Variants in TFCP2L1 observed in about 807,000 individuals in gnomAD.
TFCP2L1 encodes transcription factor CP2-like protein 1.
In TFCP2L1, 12 loss-of-function variants were observed where a neutral mutation model predicts 72.2. That is an observed-to-expected ratio of 0.17 (90% CI 0.11 to 0.27). The LOEUF (loss-of-function observed/expected upper bound fraction) is 0.27, where lower values mean the gene tolerates loss of function less well. Ranked by LOEUF, TFCP2L1 falls within the 10% of genes least tolerant of loss-of-function variation. The pLI is 1.00. For missense variants in TFCP2L1, 488 were observed against 624.6 expected, an observed-to-expected ratio of 0.78 and a Z score of 2.33; for synonymous variants, 260 against 251.0, an observed-to-expected ratio of 1.04 and a Z score of -0.34.
intron 1 of TFCP2L1, among the ~76,000 whole-genome samples, chr2:121,284,768 G>C (rs948285612): frequency 6.6e-6 from 1 of 152,136 alleles, no homozygotes; most frequent in African/African-American, 2.4e-5. Context: ...CGGCAGGTGC[G>C]CGCCCTGCAC....
intron 13 of TFCP2L1, among the ~76,000 whole-genome samples, chr2:121,228,649 C>T (rs1430355302): frequency 6.6e-6 from 1 of 151,090 alleles, no homozygotes; most frequent in Non-Finnish European, 1.5e-5. Context: ...GCCTGTGGTC[C>T]CAGCTACTCA....
chr2:121,237,425 A>G (rs926277930), intron 10 of TFCP2L1, among the ~76,000 whole-genome samples, 198 bp downstream of exon 10: 5 of 152,070 alleles, frequency 3.3e-5, no homozygotes, highest in African/African-American at 1.2e-4. Flanking sequence ...CTCACTTGGG[A>G]CCTTCTGGGG....
intron 12 of TFCP2L1, 130 bp from the exon 13 acceptor site, chr2:121,232,098 C>T (rs891461654): frequency 1.4e-5 from 13 of 916,594 alleles, no homozygotes; most frequent in South Asian, 7.3e-5. Context: ...CAGGACCACA[C>T]TGCCACTCTT....
chr2:121,263,770 T>C (rs1686876274), intron 2 of TFCP2L1, among the ~76,000 whole-genome samples: 1 of 152,186 alleles, frequency 6.6e-6, no homozygotes, highest in African/African-American at 2.4e-5. Context: ...CAAGGCCAGA[T>C]AAGCATCTTT....
At position 121,231,828 on chromosome 2, in the gene TFCP2L1, C is replaced by T; in HGVS notation, c.1339G>A (p.Glu447Lys). ...GCAGGCCAGGCAGCAGCCCTCACCT[C>T]GTTGCTCACCACCACATGGATGCCC... ...PTGIHVVVSNEMVQNFQDESC... is the reference protein window; with the variant it reads ...PTGIHVVVSNKMVQNFQDESC... The change falls in exon 13 of 15, where the codon GAG becomes AAG. Residue 447 changes from glutamate (E) to lysine (K), a missense_variant and splice_region_variant. By Grantham distance (56) the Glu-to-Lys change is moderately conservative. Transcript: ENST00000263707. 1.2e-6 allele frequency: 2 copies of T among 1,612,800 alleles called. No homozygotes were observed. The highest frequency in any genetic ancestry group is 1.1e-5 in the South Asian group (1 of 90,954).
rs1362226050 is a variant in TFCP2L1, at chr2:121,218,983, G to C, written c.*5358C>G. The C allele has an allele frequency of 6.6e-6, 1 of 152,374 alleles. No homozygotes were observed. The highest frequency in any genetic ancestry group is 1.5e-5 in the Non-Finnish European group (1 of 68,146). The allele number at this position is 152,374 out of a possible 1,614,324, so 9.4% of individuals were successfully genotyped here. A position where few individuals can be genotyped will look rare whatever the true frequency, so the allele number is the denominator to read the frequency against. On this transcript the variant is annotated 3_prime_UTR_variant, in exon 15 of 15. Transcript: ENST00000263707. ...AAGCCCTGTCCCTAAGGGGCGATGGGAAGGAGGTGGCAATCAGAAGAGGGT... is the reference window on the plus strand; with the variant it reads ...AAGCCCTGTCCCTAAGGGGCGATGGCAAGGAGGTGGCAATCAGAAGAGGGT...
At chr2:121,271,417 A>G (rs542420697) in intron 2 of TFCP2L1, among the ~76,000 whole-genome samples, 2 of 152,290 alleles carry the variant, frequency 1.3e-5, no homozygotes, top group African/African-American at 4.8e-5. Flanking sequence ...TGGCTGTTCT[A>G]TTTTATAAAA....
chr2:121,282,133 A>C (rs1207942211), intron 1 of TFCP2L1, among the ~76,000 whole-genome samples: 1 of 151,848 alleles, frequency 6.6e-6, no homozygotes, highest in African/African-American at 2.4e-5. Flanking sequence ...GGGTTCCACC[A>C]TGTTGGTCAG....
chr2:121,240,311 C>T, intron 7 of TFCP2L1: 1 of 985,166 alleles, frequency 1.0e-6, no homozygotes, highest in Non-Finnish European at 1.2e-6. Flanking sequence ...GTGGAGTCTC[C>T]CAAAGGAAGC....
chr2:121,281,684 T>C (rs1687265379), intron 1 of TFCP2L1, among the ~76,000 whole-genome samples: 1 of 152,204 alleles, frequency 6.6e-6, no homozygotes, highest in South Asian at 2.1e-4. Flanking sequence ...ACATTTTTAT[T>C]TTTTAATCAA....
rs373837541 is a variant in TFCP2L1, at chr2:121,243,004, C to T, written c.658-535G>A. Among the ~76,000 whole-genome samples, 163 of 152,338 alleles carry T rather than the reference C, an allele frequency of 1.1e-3. 7 individuals are homozygous for T. The South Asian group carries it at 0.031, about 29-fold the overall frequency. ...CAACTTTCAAAGGGTGTACAGGCTT[C>T]ACAGCTATTATTATTCCCTTCATTT... is the stretch of plus-strand genomic sequence containing the variant. On this transcript the variant is annotated intron_variant, in intron 6 of 14. Coordinates refer to ENST00000263707, the MANE Select transcript of TFCP2L1 (RefSeq NM_014553.3).
chr2:121,252,277 G>A (rs1326379942), intron 2 of TFCP2L1, among the ~76,000 whole-genome samples: 2 of 152,004 alleles, frequency 1.3e-5, no homozygotes, highest in Non-Finnish European at 2.9e-5. Context: ...AAACTCCTGG[G>A]CTCAAGTGAT....
chr2:121,279,268 C>T (rs1318867122), intron 2 of TFCP2L1, among the ~76,000 whole-genome samples: 2 of 152,196 alleles, frequency 1.3e-5, no homozygotes, highest in Non-Finnish European at 2.9e-5. Context: ...AAAGAAAGTG[C>T]TCAAAGGTGC....
At chr2:121,260,904 C>T (rs1573385555) in intron 2 of TFCP2L1, among the ~76,000 whole-genome samples, 1 of 152,212 alleles carries the variant, frequency 6.6e-6, no homozygotes, top group South Asian at 2.1e-4. Context: ...GTTTACTTTC[C>T]TACAGTTACT....
At position 121,269,907 on chromosome 2, in the gene TFCP2L1, T is replaced by TCAA. The variant is rs750107740; in HGVS notation, c.214+11212_214+11213insTTG. Among the ~76,000 whole-genome samples, 4 of 77,602 alleles carry TCAA rather than the reference T, an allele frequency of 5.2e-5. 1 individual carries two copies. The highest frequency in any genetic ancestry group is 2.0e-4 in the African/African-American group (3 of 14,892). The allele number at this position is 77,602 out of a possible 152,430, so 50.9% of individuals were successfully genotyped here. A position where few individuals can be genotyped will look rare whatever the true frequency, so the allele number is the denominator to read the frequency against. On this transcript the variant is annotated intron_variant, in intron 2 of 14. Coordinates refer to ENST00000263707, the MANE Select transcript of TFCP2L1 (RefSeq NM_014553.3). The stretch of plus-strand genomic sequence containing the variant: ...CTGGGTGACAGAGCAAGACTCCATC[T>TCAA]AAAAAAAAAAAATATATATATATAT...
At chr2:121,279,825 G>C (rs548489385) in intron 2 of TFCP2L1, among the ~76,000 whole-genome samples, 4 of 152,284 alleles carry the variant, frequency 2.6e-5, no homozygotes, top group Non-Finnish European at 5.9e-5. Context: ...AAGTAGAGGG[G>C]TATCATACCA....
At chr2:121,269,907 T>TCAAAAAAAAAAAAAAAAAAAAAA (rs750107740) in intron 2 of TFCP2L1, among the ~76,000 whole-genome samples, 1 of 77,586 alleles carries the variant, frequency 1.3e-5, no homozygotes, top group African/African-American at 6.7e-5. Flanking sequence ...AGACTCCATC[T>TCAAAAAAAAAAAAAAAAAAAAAA]AAAAAAAAAA....
chr2:121,219,390 A>G lies in TFCP2L1; in HGVS notation c.*4951T>C, dbSNP rs1313829675. 6 of 152,250 alleles carry G rather than the reference A, an allele frequency of 3.9e-5. No individual in the cohort carries two copies. Among genetic ancestry groups the G allele is most frequent in the African/African-American group, 1.4e-4 (6 of 41,462 alleles). The allele number at this position is 152,250 out of a possible 1,614,324, so 9.4% of individuals were successfully genotyped here. A position where few individuals can be genotyped will look rare whatever the true frequency, so the allele number is the denominator to read the frequency against. ...AAACACGCACATGTGCACCAATGAC[A>G]CAGACTGTGCCTGCACTGTGTCTGG... On this transcript the variant is annotated 3_prime_UTR_variant, in exon 15 of 15. Coordinates refer to ENST00000263707, the MANE Select transcript of TFCP2L1 (RefSeq NM_014553.3).
intron 6 of TFCP2L1, among the ~76,000 whole-genome samples, chr2:121,245,653 C>T (rs990622436): frequency 6.6e-6 from 1 of 152,226 alleles, no homozygotes; most frequent in Non-Finnish European, 1.5e-5. Context: ...GTGCAGACTC[C>T]ATCAGCTCAT....
Sources: allele counts gnomAD v4.1 joint callset (sites outside exome capture counted in the v4.1 genomes callset), GRCh38; gene constraint gnomAD v4.1.1; transcripts MANE v1.5; gene names NCBI Gene and HGNC (gene_info 2026-07-23, HGNC 2026-07-21).